The following RAB3GAP2 variants were observed in gnomAD, a reference collection of about 807,000 sequenced individuals.
RAB3GAP2 encodes rab3 GTPase-activating protein non-catalytic subunit.
RAB3GAP2 carries 87 observed loss-of-function variants against 185.3 expected under a neutral mutation model. That is an observed-to-expected ratio of 0.47 (90% confidence interval 0.39 to 0.56). RAB3GAP2 has a LOEUF of 0.56. RAB3GAP2 is among the 20% of genes least tolerant of loss of function. The pLI, the probability that RAB3GAP2 is intolerant of heterozygous loss-of-function variation, is 0.00. For missense variants in RAB3GAP2, 1,492 were observed against 1,638.2 expected, an observed-to-expected ratio of 0.91 and a Z score of 1.54; for synonymous variants, 554 against 576.1, an observed-to-expected ratio of 0.96 and a Z score of 0.55.
In RAB3GAP2 at chr1:220,202,452, T is replaced by A. The variant is rs539560173; in HGVS notation, c.713-78A>T. ...TTACAAAAAAACATTAAAACCATAC[T>A]AATTTGTTATTCTAAAATTTCAGCT... On this transcript the variant is annotated intron_variant, in intron 8 of 34. Coordinates refer to ENST00000358951, the MANE Select transcript of RAB3GAP2 (RefSeq NM_012414.4). 8 of 1,421,512 alleles carry A rather than the reference T, an allele frequency of 5.6e-6. No individual in the cohort carries two copies. The East Asian group carries it at 9.3e-5, about 17-fold the overall frequency. The allele number at this position is 1,421,512 out of a possible 1,614,324, so 88.1% of individuals were successfully genotyped here.
intron 31 of RAB3GAP2, among the ~76,000 whole-genome samples, chr1:220,155,017 G>A (rs1657832558): frequency 1.3e-5 from 2 of 152,130 alleles, no homozygotes; most frequent in Non-Finnish European, 2.9e-5. Context: ...GAGCCACCGC[G>A]CCCAGCCTCT....
intron 2 of RAB3GAP2, among the ~76,000 whole-genome samples, chr1:220,227,032 G>A (rs1242178572): frequency 6.6e-6 from 1 of 152,152 alleles, no homozygotes; most frequent in African/African-American, 2.4e-5. Context: ...AATCAGCCCC[G>A]ATGGCACCTT....
At chr1:220,215,737 T>C (rs1283650535) in intron 2 of RAB3GAP2, among the ~76,000 whole-genome samples, 1 of 152,298 alleles carries the variant, frequency 6.6e-6, no homozygotes, top group Non-Finnish European at 1.5e-5. Flanking sequence ...GGCTAAATTA[T>C]CCATCTATTC....
At chr1:220,175,555 T>C (rs1022839950) in intron 21 of RAB3GAP2, among the ~76,000 whole-genome samples, 1 of 152,216 alleles carries the variant, frequency 6.6e-6, no homozygotes, top group African/African-American at 2.4e-5. Context: ...AGATTTAATG[T>C]CTCTTAAAGC....
At chr1:220,229,928 T>C (rs1179364250) in intron 2 of RAB3GAP2, among the ~76,000 whole-genome samples, 2 of 152,194 alleles carry the variant, frequency 1.3e-5, no homozygotes, top group Admixed American at 6.5e-5. Flanking sequence ...AGAAAGCAAA[T>C]ACTAAAAGTC....
chr1:220,204,769 A>T, intron 8 of RAB3GAP2, among the ~76,000 whole-genome samples: 1 of 113,138 alleles, frequency 8.8e-6, no homozygotes, highest in African/African-American at 3.4e-5. Context: ...CCGGAGTGTG[A>T]TGTTCCCCTT....
At chr1:220,167,155 T>C (rs1658082354) in intron 26 of RAB3GAP2, 138 bp downstream of exon 26, 1 of 763,852 alleles carries the variant, frequency 1.3e-6, no homozygotes. Context: ...GAAAAAGGTC[T>C]ACCCTAGTTA....
chr1:220,267,963 T>C, intron 1 of RAB3GAP2: 1 of 604,766 alleles, frequency 1.7e-6, no homozygotes, highest in Non-Finnish European at 3.0e-6. Flanking sequence ...CTCAGCCCAA[T>C]AAAAGCACTT....
At chr1:220,241,631 C>A (rs1428186160) in intron 1 of RAB3GAP2, among the ~76,000 whole-genome samples, 3 of 151,994 alleles carry the variant, frequency 2.0e-5, no homozygotes, top group Non-Finnish European at 2.9e-5. Context: ...GAGAAGCTGC[C>A]TCTTATATTC....
chr1:220,196,392 A>T lies in RAB3GAP2; in HGVS notation c.818T>A (p.Met273Lys). The change falls in exon 10 of 35, where the codon ATG becomes AAG. Residue 273 changes from methionine to lysine, a missense_variant. By Grantham distance (95) the Met-to-Lys change is moderately conservative. Coordinates refer to ENST00000358951, the MANE Select transcript of RAB3GAP2 (RefSeq NM_012414.4). Reference protein sequence around the residue: ...TIIDHASVGIMTLSPFDQMKT... With the variant: ...TIIDHASVGIKTLSPFDQMKT... ...CATTTGATCAAAGGGGGACAGAGTC[A>T]TAATACCTAATAAAAAAAAAAAAGT... is the stretch of plus-strand genomic sequence containing the variant. 6.3e-7 allele frequency: 1 copy of T among 1,591,778 alleles called. No individual in the cohort carries two copies. Among genetic ancestry groups the T allele is most frequent in the Non-Finnish European group, 8.6e-7 (1 of 1,164,870 alleles).
intron 2 of RAB3GAP2, 39 bp from the exon 3 acceptor site, chr1:220,214,018 C>G (rs1189728516): frequency 1.2e-6 from 2 of 1,606,126 alleles, no homozygotes; most frequent in African/African-American, 1.3e-5. Flanking sequence ...TGCAAAAATA[C>G]CAAGAGTATT....
chr1:220,185,441 C>T (rs1356723602), intron 18 of RAB3GAP2, among the ~76,000 whole-genome samples: 1 of 152,024 alleles, frequency 6.6e-6, no homozygotes, highest in African/African-American at 2.4e-5. Flanking sequence ...AAACAACTTC[C>T]CAATAACAGT....
chr1:220,201,371 A>G (rs1381446678), intron 9 of RAB3GAP2, among the ~76,000 whole-genome samples: 1 of 152,210 alleles, frequency 6.6e-6, no homozygotes, highest in Non-Finnish European at 1.5e-5. Context: ...AGACTGATTT[A>G]TATGGTCATT....
intron 2 of RAB3GAP2, among the ~76,000 whole-genome samples, chr1:220,228,502 T>C (rs537342906): frequency 6.6e-6 from 1 of 152,300 alleles, no homozygotes; most frequent in East Asian, 1.9e-4. Context: ...TCACAGTCCT[T>C]ACCCTGACCA....
chr1:220,239,154 A>G (rs1030762748), intron 1 of RAB3GAP2, among the ~76,000 whole-genome samples: 7 of 152,214 alleles, frequency 4.6e-5, no homozygotes, highest in Non-Finnish European at 8.8e-5. Context: ...AACAAATACA[A>G]AAGATTATGT....
intron 1 of RAB3GAP2, among the ~76,000 whole-genome samples, chr1:220,262,232 T>C (rs1279775027): frequency 6.7e-6 from 1 of 149,500 alleles, no homozygotes; most frequent in East Asian, 2.0e-4. Flanking sequence ...ACCCGGGAGG[T>C]GGAGCTTGCA....
At chr1:220,177,504 G>A (rs1658315589) in intron 21 of RAB3GAP2, among the ~76,000 whole-genome samples, 1 of 152,214 alleles carries the variant, frequency 6.6e-6, no homozygotes, top group African/African-American at 2.4e-5. Context: ...TGAGGGAGAT[G>A]TGTGATCTCT....
intron 17 of RAB3GAP2, among the ~76,000 whole-genome samples, chr1:220,189,422 T>C (rs1338359794): frequency 6.6e-6 from 1 of 151,972 alleles, no homozygotes; most frequent in East Asian, 1.9e-4. Context: ...GGTTTCACCA[T>C]GTTGGCCAGG....
chr1:220,213,150 C>T lies in RAB3GAP2; in HGVS notation c.305-182G>A, dbSNP rs144191464. ...ACATGTTTATAAGATTCTTATAATA[C>T]ACCTAGTCTCCTGGCCTTCAGCCTC... is the stretch of plus-strand genomic sequence containing the variant. On this transcript the variant is annotated intron_variant, in intron 3 of 34. Coordinates refer to ENST00000358951, the MANE Select transcript of RAB3GAP2 (RefSeq NM_012414.4). Among the ~76,000 whole-genome samples, 38 of 152,214 alleles carry T rather than the reference C, an allele frequency of 2.5e-4. 1 individual carries two copies. In the East Asian group the frequency reaches 7.4e-3, roughly 29 times the overall value.
Sources: allele counts gnomAD v4.1 joint callset (sites outside exome capture counted in the v4.1 genomes callset), GRCh38; gene constraint gnomAD v4.1.1; transcripts MANE v1.5; gene names NCBI Gene and HGNC (gene_info 2026-07-23, HGNC 2026-07-21).